Variants in NUP58 observed in about 807,000 individuals in gnomAD.
The protein encoded by NUP58 is nucleoporin 58.
In NUP58, 17 loss-of-function variants were observed where a neutral mutation model predicts 70.1. The ratio of observed to expected loss-of-function variants is 0.24; its 90% CI spans 0.17 to 0.36. The LOEUF is 0.36. Ranked by LOEUF, NUP58 falls within the 10% of genes least tolerant of loss-of-function variation. NUP58 has a pLI of 1.00. For synonymous variants in NUP58, 275 were observed against 257.6 expected, an observed-to-expected ratio of 1.07 and a Z score of -0.65; for missense variants, 644 against 701.5, an observed-to-expected ratio of 0.92 and a Z score of 0.93.
At chr13:25,322,414 T>G (rs1226203808) in intron 9 of NUP58, among the ~76,000 whole-genome samples, 2 of 152,210 alleles carry the variant, frequency 1.3e-5, no homozygotes, top group East Asian at 3.8e-4. Flanking sequence ...CTTAACACAT[T>G]TATTTGGTTA....
chr13:25,345,586 G>T (rs528340717), downstream of NUP58, among the ~76,000 whole-genome samples: 1 of 2,150 alleles, frequency 4.7e-4, no homozygotes, highest in Admixed American at 0.025. Context: ...GGGGGCGGTG[G>T]GGGGGGGTCT....
At chr13:25,332,320 CA>C in intron 13 of NUP58, 2 of 985,364 alleles carry the variant, frequency 2.0e-6, no homozygotes, top group Non-Finnish European at 2.4e-6. Flanking sequence ...GGTCATTCTA[CA>C]GTGTTTTATT....
At chr13:25,319,158 C>T (rs1039153032) in intron 6 of NUP58, among the ~76,000 whole-genome samples, 168 bp from the exon 7 acceptor site, 3 of 152,146 alleles carry the variant, frequency 2.0e-5, no homozygotes, top group Non-Finnish European at 2.9e-5. Context: ...AAATGCTTTG[C>T]TTCTGAGTTC....
chr13:25,343,323 T>G (rs2032001331), downstream of NUP58, among the ~76,000 whole-genome samples: 1 of 151,492 alleles, frequency 6.6e-6, no homozygotes, highest in Non-Finnish European at 1.5e-5. Context: ...ATTTATTTAT[T>G]TAAATTTATT....
At chr13:25,336,496 C>T (rs560985332) in intron 13 of NUP58, among the ~76,000 whole-genome samples, 7 of 151,988 alleles carry the variant, frequency 4.6e-5, no homozygotes, top group Admixed American at 3.3e-4. Flanking sequence ...AGACTTGACT[C>T]TAACACTAAG....
chr13:25,337,150 C>A, intron 14 of NUP58, 116 bp downstream of exon 14: 2 of 532,716 alleles, frequency 3.8e-6, no homozygotes, highest in Non-Finnish European at 6.3e-6. Flanking sequence ...AAGGTTCCAT[C>A]TGGCAAAAAT....
intron 15 of NUP58, 83 bp downstream of exon 15, chr13:25,338,814 A>C: frequency 8.0e-7 from 1 of 1,244,310 alleles, no homozygotes; most frequent in East Asian, 2.4e-5. Flanking sequence ...TATTTCCAGT[A>C]ACCCAAAAAG....
At chr13:25,314,213 G>GT (rs1463309048) in intron 5 of NUP58, among the ~76,000 whole-genome samples, 1 of 152,086 alleles carries the variant, frequency 6.6e-6, no homozygotes, top group Non-Finnish European at 1.5e-5. Flanking sequence ...GATTACAGGC[G>GT]TAAGCCACCG....
intron 12 of NUP58, among the ~76,000 whole-genome samples, chr13:25,330,968 G>A (rs2031582331): frequency 6.6e-6 from 1 of 151,752 alleles, no homozygotes; most frequent in Non-Finnish European, 1.5e-5. Context: ...AAAAGGCTAT[G>A]AAAAGGTTGG....
intron 12 of NUP58, among the ~76,000 whole-genome samples, chr13:25,329,326 T>G (rs576913515): frequency 6.6e-6 from 1 of 152,298 alleles, no homozygotes; most frequent in Non-Finnish European, 1.5e-5. Context: ...GATGCTTTTT[T>G]TCCCCCCACG....
intron 9 of NUP58, among the ~76,000 whole-genome samples, chr13:25,322,931 TAA>T (rs2031245894): frequency 2.0e-5 from 3 of 152,296 alleles, no homozygotes; most frequent in African/African-American, 4.8e-5. Context: ...AAATTATATA[TAA>T]GTTATTTAGA....
intron 5 of NUP58, among the ~76,000 whole-genome samples, chr13:25,314,513 T>C (rs2030836523): frequency 6.6e-6 from 1 of 152,010 alleles, no homozygotes. Flanking sequence ...CTGACCAACA[T>C]GGTGAAACCG....
intron 13 of NUP58, chr13:25,335,124 T>G: frequency 1.0e-6 from 1 of 985,312 alleles, no homozygotes; most frequent in Non-Finnish European, 1.2e-6. Flanking sequence ...GCCTACGAGT[T>G]TTATAAATGA....
exon 4 of NUP58, chr13:25,349,716 A>G (rs1307430681): frequency 1.3e-5 from 2 of 152,588 alleles, no homozygotes; most frequent in African/African-American, 4.8e-5. Flanking sequence ...CCATTATTCA[A>G]GAAAAGCACA....
chr13:25,306,007 T>C (rs1387400060), intron 1 of NUP58, among the ~76,000 whole-genome samples: 1 of 152,222 alleles, frequency 6.6e-6, no homozygotes, highest in East Asian at 1.9e-4. Context: ...TAACGCCTTG[T>C]ACATAATATG....
At chr13:25,309,970 A>T (rs1315381569) in intron 3 of NUP58, 1 of 388,006 alleles carries the variant, frequency 2.6e-6, no homozygotes, top group Non-Finnish European at 5.2e-6. Context: ...AAAACAACAC[A>T]TCTGTTTATC....
chr13:25,315,060 CTG>C (rs1238761705), intron 5 of NUP58, among the ~76,000 whole-genome samples: 2 of 152,170 alleles, frequency 1.3e-5, no homozygotes, highest in African/African-American at 2.4e-5. Flanking sequence ...TAAAAGCCCT[CTG>C]TAACAAAACC....
downstream of NUP58, among the ~76,000 whole-genome samples, chr13:25,347,362 A>G (rs1296315699): frequency 6.6e-6 from 1 of 152,186 alleles, no homozygotes; most frequent in Non-Finnish European, 1.5e-5. Flanking sequence ...CTAGTCACAT[A>G]GCTGCAAGTA....
rs73470445 is a variant in NUP58 at position 25,319,402 on chromosome 13, T to C, written c.710+52T>C. The C allele has an allele frequency of 6.1e-3, 9,224 of 1,519,668 alleles. 235 individuals are homozygous for C. The East Asian group carries it at 0.083, about 14-fold the overall frequency. The allele number at this position is 1,519,668 out of a possible 1,614,324, so 94.1% of individuals were successfully genotyped here. ...CATTTTAATTGAAGAGTTTAACTTA[T>C]TAAATTGTAGGCAGATGGTATAATT... is the stretch of plus-strand genomic sequence containing the variant. On this transcript the variant is annotated intron_variant, in intron 7 of 15. Coordinates refer to ENST00000381736, the MANE Select transcript of NUP58 (RefSeq NM_014089.4).
Sources: allele counts gnomAD v4.1 joint callset (sites outside exome capture counted in the v4.1 genomes callset), GRCh38; gene constraint gnomAD v4.1.1; transcripts MANE v1.5; gene names NCBI Gene and HGNC (gene_info 2026-07-23, HGNC 2026-07-21).